The following IPPK variants were observed in gnomAD, a reference collection of about 807,000 sequenced individuals.
The protein encoded by IPPK is IPK1 homolog.
IPPK carries 22 observed loss-of-function variants against 64.6 expected under a neutral mutation model. The observed-to-expected ratio is 0.34, with a 90% CI of 0.24 to 0.49. IPPK has a LOEUF of 0.49. Ranked by LOEUF, IPPK falls within the 20% of genes least tolerant of loss-of-function variation. The pLI is 0.99. For missense variants in IPPK, 532 were observed against 630.7 expected (o/e 0.84, Z 1.68); for synonymous variants, 262 against 247.2 (o/e 1.06, Z -0.56).
At chr9:92,637,165 C>T (rs761123320) in intron 9 of IPPK, among the ~76,000 whole-genome samples, 7 of 151,984 alleles carry the variant, frequency 4.6e-5, no homozygotes, top group Non-Finnish European at 1.0e-4. Flanking sequence ...TACTAAAATA[C>T]AAAAATTAGG....
rs760012179 is a variant in IPPK, at chr9:92,669,935, A to G, written c.54T>C (p.Asn18=). 2.5e-6 allele frequency: 4 copies of G among 1,612,876 alleles called. No individual in the cohort carries two copies. Among genetic ancestry groups the G allele is most frequent in the Non-Finnish European group, 3.4e-6 (4 of 1,179,488 alleles). ...ENEWGYHGEG[N]KSLVVAHAQR... ...GCGCGTGGGCCACCACCAGGCTCTT[A>G]TTGCCCTCTCCGTGGTACCCCCATT... The change falls in exon 1 of 13, where the codon AAT becomes AAC. Residue 18 remains asparagine (N), a synonymous_variant. Coordinates refer to ENST00000287996, the MANE Select transcript of IPPK (RefSeq NM_022755.6).
intron 1 of IPPK, among the ~76,000 whole-genome samples, chr9:92,668,385 G>C (rs1852647893): frequency 6.6e-6 from 1 of 152,226 alleles, no homozygotes; most frequent in South Asian, 2.1e-4. Flanking sequence ...TACTTGTCTG[G>C]AACGTGCAGA....
chr9:92,662,523 CA>C (rs368530793), intron 1 of IPPK, among the ~76,000 whole-genome samples: 203 of 127,348 alleles, frequency 1.6e-3, no homozygotes, highest in Middle Eastern at 0.013. Context: ...AACTCCGTCT[CA>C]AAAAAAAAAA....
At chr9:92,660,087 T>C (rs1032961001) in intron 1 of IPPK, among the ~76,000 whole-genome samples, 1 of 152,038 alleles carries the variant, frequency 6.6e-6, no homozygotes, top group African/African-American at 2.4e-5. Context: ...AAGGCAGAAG[T>C]TGATCGACAG....
At chr9:92,620,322 T>C (rs1360739973) in intron 11 of IPPK, 1 of 152,342 alleles carries the variant, frequency 6.6e-6, no homozygotes, top group Non-Finnish European at 1.5e-5. Flanking sequence ...AGAGTCGACA[T>C]ACGTAAAGCT....
chr9:92,667,279 T>C (rs1003202264), intron 1 of IPPK, among the ~76,000 whole-genome samples: 2 of 152,222 alleles, frequency 1.3e-5, no homozygotes, highest in Non-Finnish European at 2.9e-5. Flanking sequence ...GCTGGGCGCA[T>C]GCTCAGCATC....
intron 10 of IPPK, among the ~76,000 whole-genome samples, chr9:92,634,921 G>A (rs919968197): frequency 1.3e-5 from 2 of 152,244 alleles, no homozygotes; most frequent in African/African-American, 4.8e-5. Flanking sequence ...TTGGGGTTTC[G>A]AATTAGCAAG....
intron 1 of IPPK, among the ~76,000 whole-genome samples, chr9:92,669,634 G>A (rs1587650441): frequency 6.6e-6 from 1 of 152,150 alleles, no homozygotes; most frequent in Non-Finnish European, 1.5e-5. Context: ...ACTCTGACGG[G>A]GAACGGGAAT....
At position 92,635,058 on chromosome 9, in the gene IPPK, ATCC is replaced by A. The variant is rs2131433450; in HGVS notation, c.1067+97_1067+99del. 4 of 1,212,644 alleles carry A rather than the reference ATCC, an allele frequency of 3.3e-6. No homozygotes were observed. The East Asian group carries it at 9.7e-5, about 29-fold the overall frequency. The allele number at this position is 1,212,644 out of a possible 1,614,324, so 75.1% of individuals were successfully genotyped here. On this transcript the variant is annotated intron_variant, in intron 10 of 12. Transcript: ENST00000287996. This position sits in a 1 kb window ranked among gnomAD's most constrained non-coding sequence, Gnocchi z 4.4. ...GGGTAGGAAGTGGCCGGCATGCTTC[ATCC>A]TCCTGGGAAGCTGTGCCTTGGGAGG...
chr9:92,616,905 T>A (rs549113782), intron 12 of IPPK: 1 of 152,304 alleles, frequency 6.6e-6, no homozygotes, highest in Non-Finnish European at 1.5e-5. Flanking sequence ...TTTACTACGC[T>A]TTGAGATTTA....
At chr9:92,642,675 C>A in intron 7 of IPPK, 77 bp downstream of exon 7, 1 of 1,266,898 alleles carries the variant, frequency 7.9e-7, no homozygotes, top group Non-Finnish European at 1.2e-6. Context: ...GAAATACCCC[C>A]CACCAGGCAC....
chr9:92,668,463 C>T (rs1457750490), intron 1 of IPPK, among the ~76,000 whole-genome samples: 1 of 152,122 alleles, frequency 6.6e-6, no homozygotes, highest in Non-Finnish European at 1.5e-5. Context: ...CCTTTTGCTC[C>T]AAGCCTGAAA....
intron 11 of IPPK, among the ~76,000 whole-genome samples, chr9:92,625,504 G>A (rs1465557470): frequency 6.6e-6 from 1 of 152,164 alleles, no homozygotes; most frequent in East Asian, 1.9e-4. Flanking sequence ...ACACACTAAA[G>A]AGACAGGATT....
intron 12 of IPPK, chr9:92,618,375 G>A (rs1027926092): frequency 1.8e-5 from 8 of 456,596 alleles, no homozygotes; most frequent in African/African-American, 1.6e-4. Flanking sequence ...CCCGCATGCT[G>A]GCTTTCCAAT....
At chr9:92,660,689 C>G (rs1388248638) in intron 1 of IPPK, among the ~76,000 whole-genome samples, 2 of 152,226 alleles carry the variant, frequency 1.3e-5, no homozygotes, top group Non-Finnish European at 2.9e-5. Context: ...GACCCCCCTC[C>G]CCTGGCAGCA....
In IPPK at chr9:92,614,571, C is replaced by G. The variant is rs1237451014; in HGVS notation, c.*1261G>C. The G allele has an allele frequency of 6.6e-6, 1 of 152,620 alleles. No individual in the cohort carries two copies. The highest frequency in any genetic ancestry group is 1.5e-5 in the Non-Finnish European group (1 of 68,034). 9.5% of individuals were successfully genotyped at this position (152,620 alleles called of 1,614,324 possible). A position where few individuals can be genotyped will look rare whatever the true frequency, so the allele number is the denominator to read the frequency against. On this transcript the variant is annotated 3_prime_UTR_variant, in exon 13 of 13. Transcript: ENST00000287996. ...TCTAGAAGAGTTGCCTTGATTCAAACAAGTATAATTCTCAAGTTATCACAA... is the reference window on the plus strand; with the variant it reads ...TCTAGAAGAGTTGCCTTGATTCAAAGAAGTATAATTCTCAAGTTATCACAA...
chr9:92,649,863 TA>T (rs1264369705), intron 4 of IPPK, among the ~76,000 whole-genome samples: 3 of 151,500 alleles, frequency 2.0e-5, no homozygotes, highest in Non-Finnish European at 4.4e-5. Flanking sequence ...CCGTCTCTAC[TA>T]AAAATACAAA....
At chr9:92,652,387 T>C (rs1282554350) in intron 4 of IPPK, among the ~76,000 whole-genome samples, 186 bp downstream of exon 4, 1 of 145,872 alleles carries the variant, frequency 6.9e-6, no homozygotes, top group African/African-American at 2.6e-5. Flanking sequence ...AGGTGGAGCT[T>C]GCAGTGAGCC....
intron 11 of IPPK, among the ~76,000 whole-genome samples, chr9:92,624,261 C>T (rs1432279878): frequency 3.3e-5 from 5 of 152,062 alleles, no homozygotes; most frequent in African/African-American, 1.2e-4. Context: ...GGGTGGATCA[C>T]GAGGTCAGGA....
Sources: allele counts gnomAD v4.1 joint callset (sites outside exome capture counted in the v4.1 genomes callset), GRCh38; gene constraint gnomAD v4.1.1; non-coding constraint Gnocchi (gnomAD v3.1); transcripts MANE v1.5; gene names NCBI Gene and HGNC (gene_info 2026-07-23, HGNC 2026-07-21).